Variants in FRYL observed in about 807,000 individuals in gnomAD.
FRYL encodes the protein FRY like transcription coactivator, also known as protein furry homolog-like.
FRYL carries 150 observed loss-of-function variants against 351.2 expected under a neutral mutation model. That is an observed-to-expected ratio of 0.43 (90% CI 0.37 to 0.49). The LOEUF (loss-of-function observed/expected upper bound fraction) is 0.49, where lower values mean the gene tolerates loss of function less well. FRYL is among the 20% of genes least tolerant of loss of function. The pLI, the probability that FRYL is intolerant of heterozygous loss-of-function variation, is 0.00. For missense variants in FRYL, 3,036 were observed against 3,619.3 expected (o/e 0.84, Z 4.13); for synonymous variants, 1,153 against 1,257.1 (o/e 0.92, Z 1.75).
chr4:48,608,180 T>C (rs2149272218), intron 9 of FRYL, among the ~76,000 whole-genome samples: 1 of 152,260 alleles, frequency 6.6e-6, no homozygotes. Context: ...GTTCCTAGTA[T>C]ATTAAAAATT....
Position 48,557,580 on chromosome 4 carries a change from T to C in FRYL, c.3998A>G (p.Asp1333Gly). The change falls in exon 34 of 64, where the codon GAT (aspartate) becomes GGT (glycine). Residue 1333 changes from aspartate (D) to glycine (G), a missense_variant. By Grantham distance (94) the Asp-to-Gly change is moderately conservative. Transcript: ENST00000358350. ...TCGGTCTTTTAAGGAATCATCTTCA[T>C]CTTCATCATGTCGCCTTGCTGTGGG... ...PLPTARRHDE[D>G]EDDSLKDREL... is the part of the protein sequence containing the mutation. 4.3e-6 allele frequency: 7 copies of C among 1,614,222 alleles called. No homozygotes were observed. The South Asian group carries it at 7.7e-5, about 18-fold the overall frequency.
chr4:48,674,674 T>C (rs1322534685), intron 3 of FRYL, among the ~76,000 whole-genome samples: 3 of 133,588 alleles, frequency 2.2e-5, no homozygotes, highest in Non-Finnish European at 3.0e-5. Context: ...GAGGCGGAGC[T>C]TGCAGTGAGC....
intron 53 of FRYL, among the ~76,000 whole-genome samples, chr4:48,526,252 T>C (rs1177415931): frequency 1.3e-5 from 2 of 152,180 alleles, no homozygotes; most frequent in Non-Finnish European, 1.5e-5. Flanking sequence ...TAAGGCATTT[T>C]GGTCTTCTTG....
At position 48,549,745 on chromosome 4, in the gene FRYL, T is replaced by A. The variant is rs1732252337; in HGVS notation, c.4634-122A>T. The A allele has an allele frequency of 1.4e-6, 1 of 727,154 alleles. No homozygotes were observed. The highest frequency in any genetic ancestry group is 3.2e-5 in the Admixed American group (1 of 31,650). The allele number at this position is 727,154 out of a possible 1,614,324, so 45.0% of individuals were successfully genotyped here. On this transcript the variant is annotated intron_variant, in intron 38 of 63. Coordinates refer to ENST00000358350, the MANE Select transcript of FRYL (RefSeq NM_015030.2). The surrounding 1 kb of genome is among the most constrained non-coding windows in gnomAD (Gnocchi z 4.2). ...AGTGATAAAAAAAATTTCCCACTATTTCAACATGTTTGCTAGGAAAATCTA... is the reference window on the plus strand; with the variant it reads ...AGTGATAAAAAAAATTTCCCACTATATCAACATGTTTGCTAGGAAAATCTA...
chr4:48,603,511 G>A, intron 11 of FRYL, 123 bp from the exon 12 acceptor site: 1 of 660,802 alleles, frequency 1.5e-6, no homozygotes, highest in South Asian at 1.9e-5. Flanking sequence ...TCTCACTGAA[G>A]TACTACAATG....
In FRYL at chr4:48,528,326, A is replaced by G. The variant is rs1726726700; in HGVS notation, c.6914T>C (p.Ile2305Thr). 12 of 1,607,640 alleles carry G rather than the reference A, an allele frequency of 7.5e-6. No homozygotes were observed. Among genetic ancestry groups the G allele is most frequent in the South Asian group, 2.2e-5 (2 of 89,332 alleles). Residue 2305 changes from isoleucine to threonine, a missense_variant, in exon 51 of 64, where the codon ATT (isoleucine) becomes ACT (threonine). Around this residue, in one of 7 missense-constraint regions of FRYL, gnomAD observed 1,987 missense variants for 2,311.7 expected, o/e 0.86. Coordinates refer to ENST00000358350, the MANE Select transcript of FRYL (RefSeq NM_015030.2). The stretch of plus-strand genomic sequence containing the variant: ...GTGCTGATCACCATATTTGTTTCCA[A>G]TAATTGGTGTCTACACAGAAACAAA... The part of the protein sequence containing the change: ...FHFDISETPI[I>T]GNKYGDQHSA...
Position 48,594,035 on chromosome 4 carries a change from CT to C in FRYL, c.1249-20del. On this transcript the variant is annotated intron_variant, in intron 15 of 63. Coordinates refer to ENST00000358350, the MANE Select transcript of FRYL (RefSeq NM_015030.2). Reference sequence around the variant, plus strand: ...AGCGTTCCTTAAAAAAAAAAAAATCCTTATAACTTGCTACTATGTGTTAGGT... The same window carrying C: ...AGCGTTCCTTAAAAAAAAAAAAATCCTATAACTTGCTACTATGTGTTAGGT... 2 of 1,145,844 alleles carry C rather than the reference CT, an allele frequency of 1.7e-6. No individual in the cohort carries two copies. Among genetic ancestry groups the C allele is most frequent in the Non-Finnish European group, 2.4e-6 (2 of 818,662 alleles). 71.0% of individuals were successfully genotyped at this position (1,145,844 alleles called of 1,614,324 possible).
chr4:48,527,416 AAAT>A (rs1726500509), intron 53 of FRYL, 58 bp downstream of exon 53: 1 of 1,376,934 alleles, frequency 7.3e-7, no homozygotes, highest in Non-Finnish European at 1.0e-6. Flanking sequence ...TCCTGTGATC[AAAT>A]CCTTAATTCT....
At chr4:48,611,672 A>G (rs182552588) in intron 7 of FRYL, among the ~76,000 whole-genome samples, 11 of 152,270 alleles carry the variant, frequency 7.2e-5, no homozygotes, top group Non-Finnish European at 1.5e-4. Context: ...AGTTCTATAA[A>G]AACTGTTAGG....
intron 27 of FRYL, among the ~76,000 whole-genome samples, chr4:48,569,850 T>C (rs576543749): frequency 6.6e-6 from 1 of 152,316 alleles, no homozygotes; most frequent in African/African-American, 2.4e-5. Flanking sequence ...GTCTCGCTCT[T>C]TTCCCAGGCT....
intron 3 of FRYL, among the ~76,000 whole-genome samples, chr4:48,647,005 C>T (rs891834160): frequency 5.9e-5 from 9 of 152,070 alleles, no homozygotes; most frequent in African/African-American, 2.2e-4. Flanking sequence ...AAAGGTATGC[C>T]AGCAGAACTT....
intron 13 of FRYL, among the ~76,000 whole-genome samples, chr4:48,596,781 T>C (rs1201014378): frequency 6.6e-6 from 1 of 152,180 alleles, no homozygotes; most frequent in Non-Finnish European, 1.5e-5. Context: ...CAGCAAACTT[T>C]TTCTTCATTC....
Position 48,546,109 on chromosome 4 carries a change from T to C in FRYL, c.5237A>G (p.Gln1746Arg). 1 of 1,613,682 alleles carries C rather than the reference T, an allele frequency of 6.2e-7. No homozygotes were observed. The highest frequency in any genetic ancestry group is 8.5e-7 in the Non-Finnish European group (1 of 1,179,794). Residue 1746 changes from glutamine (Q) to arginine (R), a missense_variant, in exon 42 of 64, where the codon CAG becomes CGG. Gln to Arg is a conservative substitution (Grantham distance 43). Around this residue, in one of 7 missense-constraint regions of FRYL, gnomAD observed 1,987 missense variants for 2,311.7 expected, o/e 0.86. Coordinates refer to ENST00000358350, the MANE Select transcript of FRYL (RefSeq NM_015030.2). ...CATGAGGGTTTTGACTTTTCCATCC[T>C]GCTCCACTGAGATGTCAACCTCATT... ...ILNEVDISVE[Q>R]DGKVKTLMEF... is the part of the protein sequence containing the mutation.
chr4:48,539,688 T>C (rs1340472520), intron 47 of FRYL, among the ~76,000 whole-genome samples: 2 of 151,912 alleles, frequency 1.3e-5, no homozygotes, highest in Non-Finnish European at 2.9e-5. Context: ...AACGAATGAA[T>C]GAGAAACAGA....
intron 3 of FRYL, among the ~76,000 whole-genome samples, chr4:48,657,508 G>C (rs911618736): frequency 6.6e-6 from 1 of 151,900 alleles, no homozygotes; most frequent in Non-Finnish European, 1.5e-5. Context: ...CTAAGTCACG[G>C]CCACCGCCTA....
intron 2 of FRYL, among the ~76,000 whole-genome samples, chr4:48,687,694 T>C (rs1246054808): frequency 2.0e-5 from 3 of 152,144 alleles, no homozygotes; most frequent in African/African-American, 4.8e-5. Context: ...CTGATATACA[T>C]TAACACAGGA....
chr4:48,733,827 A>G (rs1247801047), intron 1 of FRYL, among the ~76,000 whole-genome samples: 4 of 152,204 alleles, frequency 2.6e-5, no homozygotes, highest in African/African-American at 9.6e-5. Flanking sequence ...ACCACTAACA[A>G]CTTAAAAGTA....
chr4:48,628,134 T>G (rs1370530678), intron 4 of FRYL, among the ~76,000 whole-genome samples: 1 of 152,174 alleles, frequency 6.6e-6, no homozygotes, highest in African/African-American at 2.4e-5. Flanking sequence ...ATGTAACTCA[T>G]CACAAACAAC....
At chr4:48,594,407 G>C (rs1347150738) in intron 15 of FRYL, among the ~76,000 whole-genome samples, 1 of 152,064 alleles carries the variant, frequency 6.6e-6, no homozygotes, top group African/African-American at 2.4e-5. Flanking sequence ...CCCGGGGGGT[G>C]GGGGGAAGTT....
Sources: gnomAD v4.1 joint callset for allele counts (sites outside exome capture counted in the v4.1 genomes callset) on GRCh38, gnomAD v4.1.1 for gene constraint, gnomAD v4.1.1 regional missense constraint, Gnocchi (gnomAD v3.1) non-coding constraint, MANE v1.5 for transcripts, NCBI Gene and HGNC (gene_info 2026-07-23, HGNC 2026-07-21) for gene names.